PCDHA3: variants seen among roughly 807,000 people sequenced by gnomAD.
PCDHA3 encodes protocadherin alpha 3.
Under a neutral mutation model 62.2 loss-of-function variants are expected in PCDHA3, and 41 were observed. The ratio of observed to expected loss-of-function variants is 0.66; its 90% CI spans 0.51 to 0.86. The LOEUF (loss-of-function observed/expected upper bound fraction) is 0.86. Among genes scored for constraint, PCDHA3 ranks in the 40% least tolerant of loss-of-function variants. The pLI, the probability that PCDHA3 is intolerant of heterozygous loss-of-function variation, is 0.00. For synonymous variants in PCDHA3, 640 were observed against 555.4 expected (o/e 1.15, Z -2.14); for missense variants, 1,304 against 1,241.2 (o/e 1.05, Z -0.76).
rs202099274 is a variant in PCDHA3 at position 140,842,659 on chromosome 5, C to G, written c.2394+39068C>G. The G allele has an allele frequency of 6.9e-6, 11 of 1,595,186 alleles. No individual in the cohort carries two copies. The South Asian group carries it at 1.2e-4, about 18-fold the overall frequency. ...CCGCCAGCTTGTCTGTGGAGGTGGC[C>G]GACGTGAACGACAATGCTCCGGCGT... On this transcript the variant is annotated intron_variant, in intron 1 of 3. Transcript: ENST00000522353.
intron 1 of PCDHA3, among the ~76,000 whole-genome samples, chr5:140,978,222 G>C (rs997273847): frequency 6.6e-6 from 1 of 152,180 alleles, no homozygotes; most frequent in South Asian, 2.1e-4. Flanking sequence ...AATGTATCAG[G>C]TTTTTCTTGG....
chr5:140,884,472 G>A (rs1382253304), intron 1 of PCDHA3: 2 of 1,613,830 alleles, frequency 1.2e-6, no homozygotes, highest in Non-Finnish European at 1.7e-6. Flanking sequence ...TGCGCGCCGG[G>A]CAAGCCCACT....
chr5:140,988,491 AGG>A (rs2097299997), intron 3 of PCDHA3, among the ~76,000 whole-genome samples: 1 of 152,182 alleles, frequency 6.6e-6, no homozygotes, highest in Non-Finnish European at 1.5e-5. Context: ...TCCCCTACCT[AGG>A]AGAAGCCATG....
In PCDHA3 at chr5:140,984,045, T is replaced by C. The variant is rs77384794; in HGVS notation, c.2542+1482T>C. Among the ~76,000 whole-genome samples, 455 of 152,316 alleles carry C rather than the reference T, an allele frequency of 3.0e-3. 7 individuals carry two copies. In the East Asian group the frequency reaches 0.044, roughly 15 times the overall value. On this transcript the variant is annotated intron_variant, in intron 3 of 3. Transcript: ENST00000522353. ...AAGGGGAAAAACATAAAATAGTTCA[T>C]TGACAAATCTGTACCCTCAGTGCCA... is the stretch of plus-strand genomic sequence containing the variant.
chr5:140,971,919 C>G (rs529852735), intron 1 of PCDHA3, among the ~76,000 whole-genome samples: 1 of 152,162 alleles, frequency 6.6e-6, no homozygotes, highest in South Asian at 2.1e-4. Context: ...AGCCACACTG[C>G]TAGTGTTATT....
At chr5:140,926,979 G>A (rs782354889) in intron 1 of PCDHA3, 1 of 1,610,590 alleles carries the variant, frequency 6.2e-7, no homozygotes. Flanking sequence ...TGCCGGAGGA[G>A]ACGGAGCGGG....
intron 3 of PCDHA3, among the ~76,000 whole-genome samples, chr5:140,988,517 T>C (rs184897922): frequency 3.0e-3 from 461 of 152,278 alleles, no homozygotes; most frequent in Middle Eastern, 0.014. Context: ...CTTACTTAAG[T>C]CTCTGCTGGC....
intron 2 of PCDHA3, chr5:140,982,255 G>A (rs1226877967): frequency 1.6e-5 from 13 of 791,614 alleles, no homozygotes; most frequent in South Asian, 1.3e-4. Context: ...GATAGAACAT[G>A]TGTGTTCCTG....
Position 140,939,111 on chromosome 5 carries a change from T to G in PCDHA3, c.2395-39838T>G, listed in dbSNP as rs141486595. Reference sequence around the variant, plus strand: ...CTTAAAAACAATAGAAATTTATTTTTCACAATTCTGGAAGCTGGAAAGTTG... The same window carrying G: ...CTTAAAAACAATAGAAATTTATTTTGCACAATTCTGGAAGCTGGAAAGTTG... On this transcript the variant is annotated intron_variant, in intron 1 of 3. Coordinates refer to ENST00000522353, the MANE Select transcript of PCDHA3 (RefSeq NM_018906.3). Among the ~76,000 whole-genome samples, 62 of 152,324 alleles carry G rather than the reference T, an allele frequency of 4.1e-4. No homozygotes were observed. The East Asian group carries it at 0.01, about 25-fold the overall frequency.
At chr5:140,989,319 A>G (rs1291622013) in intron 3 of PCDHA3, among the ~76,000 whole-genome samples, 1 of 152,138 alleles carries the variant, frequency 6.6e-6, no homozygotes, top group Admixed American at 6.5e-5. Context: ...GGGTCTCACC[A>G]ACTTTGCCAC....
At chr5:140,844,546 A>G (rs1268882110) in intron 1 of PCDHA3, among the ~76,000 whole-genome samples, 2 of 149,518 alleles carry the variant, frequency 1.3e-5, no homozygotes, top group Non-Finnish European at 3.0e-5. Context: ...CCCTTTGTTC[A>G]TGAGTTGGAA....
intron 1 of PCDHA3, chr5:140,863,119 A>T: frequency 1.7e-6 from 1 of 591,284 alleles, no homozygotes; most frequent in Non-Finnish European, 3.3e-6. Context: ...GGCGAAAGCT[A>T]CGCGCCACCG....
At chr5:140,882,988 G>A (rs782434208) in intron 1 of PCDHA3, 4 of 1,614,080 alleles carry the variant, frequency 2.5e-6, no homozygotes, top group Non-Finnish European at 3.4e-6. Context: ...ACAACGCCCC[G>A]GAATTTTACC....
At chr5:140,835,998 G>C in intron 1 of PCDHA3, 1 of 1,613,382 alleles carries the variant, frequency 6.2e-7, no homozygotes, top group African/African-American at 1.3e-5. Flanking sequence ...GAGCGCGCGC[G>C]ATGCGGGCGT....
At chr5:140,818,050 G>A (rs1554127374) in intron 1 of PCDHA3, among the ~76,000 whole-genome samples, 1 of 152,018 alleles carries the variant, frequency 6.6e-6, no homozygotes, top group African/African-American at 2.4e-5. Flanking sequence ...AATTTGCTTT[G>A]TTTTTAATCT....
intron 1 of PCDHA3, among the ~76,000 whole-genome samples, chr5:140,931,177 A>G (rs1288307941): frequency 1.3e-5 from 2 of 152,200 alleles, no homozygotes; most frequent in African/African-American, 4.8e-5. Context: ...ATTTTAGGGA[A>G]GGAAATTGGT....
At chr5:140,869,964 T>C (rs546576795) in intron 1 of PCDHA3, 1 of 1,613,046 alleles carries the variant, frequency 6.2e-7, no homozygotes, top group Non-Finnish European at 8.5e-7. Context: ...TTAAGCCCAA[T>C]GGAAGACACT....
intron 1 of PCDHA3, among the ~76,000 whole-genome samples, chr5:140,918,743 A>T (rs1346660934): frequency 6.6e-6 from 1 of 152,196 alleles, no homozygotes; most frequent in Non-Finnish European, 1.5e-5. Flanking sequence ...CCCTTATAAA[A>T]GAGGCCCAGA....
chr5:140,830,284 G>T (rs2150184332), intron 1 of PCDHA3: 7 of 1,613,854 alleles, frequency 4.3e-6, no homozygotes, highest in Non-Finnish European at 5.9e-6. Context: ...CCGAGGGCGC[G>T]TGCACGGCGG....
Sources: allele counts gnomAD v4.1 joint callset (sites outside exome capture counted in the v4.1 genomes callset), GRCh38; gene constraint gnomAD v4.1.1; transcripts MANE v1.5; gene names NCBI Gene and HGNC (gene_info 2026-07-23, HGNC 2026-07-21).